Variants in XPR1 observed in about 807,000 individuals in gnomAD.
XPR1 encodes the protein xenotropic and polytropic retrovirus receptor 1.
In XPR1, 28 loss-of-function variants were observed where a neutral mutation model predicts 87.5. That is an observed-to-expected ratio of 0.32 (90% CI 0.24 to 0.44). The LOEUF (loss-of-function observed/expected upper bound fraction) is 0.44, where lower values mean the gene tolerates loss of function less well. XPR1 is among the 20% of genes least tolerant of loss of function. The probability of loss-of-function intolerance (pLI) is 1.00; values close to 1 mark genes in which losing one functional copy is unlikely to be tolerated. For missense variants in XPR1, 559 were observed against 862.3 expected (o/e 0.65, Z 4.41); for synonymous variants, 300 against 306.1 (o/e 0.98, Z 0.21).
chr1:180,728,924 A>G (rs943227668), intron 2 of XPR1, among the ~76,000 whole-genome samples: 23 of 152,182 alleles, frequency 1.5e-4, no homozygotes, highest in Non-Finnish European at 3.4e-4. Flanking sequence ...GGTTTAGTGT[A>G]CAGATTATTT....
intron 2 of XPR1, among the ~76,000 whole-genome samples, chr1:180,714,702 A>G (rs985721025): frequency 2.0e-5 from 3 of 151,450 alleles, no homozygotes; most frequent in Admixed American, 6.6e-5. Flanking sequence ...ACCACACCTG[A>G]CCCTGTTTTC....
chr1:180,804,792 T>C (rs1474144046), intron 4 of XPR1, among the ~76,000 whole-genome samples: 12 of 152,150 alleles, frequency 7.9e-5, no homozygotes, highest in Admixed American at 7.9e-4. Flanking sequence ...AATAATTACA[T>C]ATATTTATAT....
intron 1 of XPR1, among the ~76,000 whole-genome samples, chr1:180,656,038 A>G: frequency 6.6e-6 from 1 of 151,976 alleles, no homozygotes; most frequent in African/African-American, 2.4e-5. Context: ...GTGTTATCAA[A>G]TACTAGATCT....
chr1:180,643,612 C>T (rs1399013537), intron 1 of XPR1, among the ~76,000 whole-genome samples: 1 of 152,072 alleles, frequency 6.6e-6, no homozygotes, highest in Non-Finnish European at 1.5e-5. Context: ...AGGTGTTTAG[C>T]CCATTTTATA....
chr1:180,758,269 A>C (rs1267749639), intron 2 of XPR1, among the ~76,000 whole-genome samples: 2 of 152,138 alleles, frequency 1.3e-5, no homozygotes. Context: ...GCATGTTCTC[A>C]TTCATATGTG....
chr1:180,702,186 C>T lies in XPR1; in HGVS notation c.121+19775C>T, dbSNP rs527248135. ...AACATCTTTATTTCTGCCTTCATTT[C>T]GTTATGTACCCAGTAGTCATTCAGG... is the stretch of plus-strand genomic sequence containing the variant. On this transcript the variant is annotated intron_variant, in intron 2 of 14. Coordinates refer to ENST00000367590, the MANE Select transcript of XPR1 (RefSeq NM_004736.4). Among the ~76,000 whole-genome samples the T allele has an allele frequency of 8.3e-3, 750 of 90,798 alleles. 4 individuals are homozygous for T. The highest frequency in any genetic ancestry group is 0.012 in the Middle Eastern group (3 of 250). 59.6% of individuals were successfully genotyped at this position (90,798 alleles called of 152,430 possible).
intron 9 of XPR1, among the ~76,000 whole-genome samples, chr1:180,832,465 A>G (rs1382964296): frequency 6.6e-6 from 1 of 152,194 alleles, no homozygotes; most frequent in Non-Finnish European, 1.5e-5. Context: ...GTCTTTGCTC[A>G]TGCCTATGTC....
At chr1:180,858,485 T>C (rs771048035) in intron 11 of XPR1, among the ~76,000 whole-genome samples, 6 of 152,242 alleles carry the variant, frequency 3.9e-5, no homozygotes, top group Non-Finnish European at 7.3e-5. Flanking sequence ...ATGAAACTAC[T>C]TTTTTCGTTT....
At position 180,732,624 on chromosome 1, in the gene XPR1, C is replaced by T. The variant is rs75446290; in HGVS notation, c.121+50213C>T. ...CCCACTGCTCAAACTTCTAGGGGAG[C>T]GTACAGATGGTCACGTTGTGGGGCT... On this transcript the variant is annotated intron_variant, in intron 2 of 14. Transcript: ENST00000367590. 0.021 allele frequency among the ~76,000 whole-genome samples: 3,167 copies of T among 152,206 alleles called. 360 individuals are homozygous for T. In the East Asian group the frequency reaches 0.33, roughly 16 times the overall value.
At chr1:180,824,385 A>T (rs1470500699) in intron 7 of XPR1, among the ~76,000 whole-genome samples, 1 of 152,144 alleles carries the variant, frequency 6.6e-6, no homozygotes, top group African/African-American at 2.4e-5. Context: ...GATGAAGACA[A>T]TCCTGGCCAA....
In XPR1 at chr1:180,724,078, A is replaced by G. The variant is rs187340393; in HGVS notation, c.121+41667A>G. Among the ~76,000 whole-genome samples, 6 of 152,338 alleles carry G rather than the reference A, an allele frequency of 3.9e-5. No individual in the cohort carries two copies. The East Asian group carries it at 1.2e-3, about 29-fold the overall frequency. ...ATTTCTGGAGATGAGAAGGTAGTCA[A>G]AAAAATGAGTAAGCTATGGTCCTAT... On this transcript the variant is annotated intron_variant, in intron 2 of 14. Coordinates refer to ENST00000367590, the MANE Select transcript of XPR1 (RefSeq NM_004736.4).
At chr1:180,677,338 C>A (rs896265829) in intron 1 of XPR1, among the ~76,000 whole-genome samples, 3 of 152,178 alleles carry the variant, frequency 2.0e-5, no homozygotes, top group African/African-American at 7.2e-5. Flanking sequence ...TCAAATCAGT[C>A]TCCCTGAAAA....
intron 2 of XPR1, among the ~76,000 whole-genome samples, chr1:180,765,804 A>C (rs1229115823): frequency 6.6e-6 from 1 of 152,014 alleles, no homozygotes; most frequent in Non-Finnish European, 1.5e-5. Flanking sequence ...AGGATGGGGA[A>C]CCCATGAATA....
chr1:180,775,811 A>T (rs1483710222), intron 2 of XPR1, among the ~76,000 whole-genome samples: 1 of 152,156 alleles, frequency 6.6e-6, no homozygotes, highest in African/African-American at 2.4e-5. Context: ...CTGGAAAAAA[A>T]AATCCCCTTT....
chr1:180,637,136 T>TA (rs1453371147), intron 1 of XPR1, among the ~76,000 whole-genome samples: 1 of 141,298 alleles, frequency 7.1e-6, no homozygotes, highest in Non-Finnish European at 1.5e-5. Flanking sequence ...AAGGAAGAAA[T>TA]ACAATTTTAC....
At position 180,823,102 on chromosome 1, in the gene XPR1, G is replaced by T. The variant is rs183081270; in HGVS notation, c.764-1651G>T. Among the ~76,000 whole-genome samples the T allele has an allele frequency of 2.4e-4, 36 of 152,164 alleles. No homozygotes were observed. The East Asian group carries it at 3.1e-3, about 13-fold the overall frequency. ...TAAAAATACAAAAAATTAGCTGGGT[G>T]TGGCGTCACGCATCTGTAATCCCAG... On this transcript the variant is annotated intron_variant, in intron 7 of 14. Coordinates refer to ENST00000367590, the MANE Select transcript of XPR1 (RefSeq NM_004736.4).
intron 2 of XPR1, among the ~76,000 whole-genome samples, chr1:180,739,764 A>C (rs1001501175): frequency 6.6e-6 from 1 of 152,034 alleles, no homozygotes; most frequent in Non-Finnish European, 1.5e-5. Flanking sequence ...TTTTCCAGAC[A>C]GGGTCTCACT....
chr1:180,636,210 T>A (rs1441010929), intron 1 of XPR1, among the ~76,000 whole-genome samples: 1 of 152,226 alleles, frequency 6.6e-6, no homozygotes, highest in Non-Finnish European at 1.5e-5. Flanking sequence ...GGCTTCAGTT[T>A]CCCAAAGGTA....
In XPR1 at chr1:180,823,344, T is replaced by C. The variant is rs970310245; in HGVS notation, c.764-1409T>C. 1.6e-4 allele frequency among the ~76,000 whole-genome samples: 25 copies of C among 152,206 alleles called. 1 individual carries two copies. Among genetic ancestry groups the C allele is most frequent in the African/African-American group, 5.1e-4 (21 of 41,460 alleles). ...AAATCATTAGACCAAATGGAAGTGTTTCTCATACAGTGGGCTTAAAACGAA... is the reference window on the plus strand; with the variant it reads ...AAATCATTAGACCAAATGGAAGTGTCTCTCATACAGTGGGCTTAAAACGAA... On this transcript the variant is annotated intron_variant, in intron 7 of 14. Coordinates refer to ENST00000367590, the MANE Select transcript of XPR1 (RefSeq NM_004736.4).
Sources: allele counts gnomAD v4.1 joint callset (sites outside exome capture counted in the v4.1 genomes callset), GRCh38; gene constraint gnomAD v4.1.1; transcripts MANE v1.5; gene names NCBI Gene and HGNC (gene_info 2026-07-23, HGNC 2026-07-21).